The following ATP11C variants were observed in gnomAD, a reference collection of about 807,000 sequenced individuals.
ATP11C encodes the protein phospholipid-transporting ATPase IG.
ATP11C carries 36 observed loss-of-function variants against 97.4 expected under a neutral mutation model. That is an observed-to-expected ratio of 0.37 (90% CI 0.28 to 0.49). ATP11C has a LOEUF of 0.49. ATP11C is among the 20% of genes least tolerant of loss of function. The pLI is 0.98. For synonymous variants in ATP11C, 275 were observed against 290.9 expected (o/e 0.95, Z 0.56); for missense variants, 730 against 824.6 (o/e 0.89, Z 1.40).
At chrX:139,837,027 CAG>C (rs927194999) in intron 1 of ATP11C, among the ~76,000 whole-genome samples, 9 of 111,338 alleles carry the variant, frequency 8.1e-5, no homozygotes, top group African/African-American at 2.3e-4. Context: ...CACACACACA[CAG>C]GGACAGGGAG....
intron 10 of ATP11C, among the ~76,000 whole-genome samples, chrX:139,797,856 C>T: frequency 9.0e-6 from 1 of 111,689 alleles, no homozygotes; most frequent in Non-Finnish European, 1.9e-5. Context: ...CTACGAGGCA[C>T]TGCTTCAATA....
At chrX:139,829,853 A>T (rs1051260510) in intron 1 of ATP11C, among the ~76,000 whole-genome samples, 1 of 111,860 alleles carries the variant, frequency 8.9e-6, no homozygotes, top group Non-Finnish European at 1.9e-5. Flanking sequence ...ATGCTGTAAA[A>T]AAAAATAAAG....
chrX:139,818,025 G>T (rs763803615), intron 3 of ATP11C, among the ~76,000 whole-genome samples: 1 of 111,120 alleles, frequency 9.0e-6, no homozygotes, highest in East Asian at 2.8e-4. Flanking sequence ...TTCCATGTAC[G>T]CAAGGCTTCT....
intron 18 of ATP11C, among the ~76,000 whole-genome samples, chrX:139,776,021 G>A (rs183512495): frequency 0.011 from 1,254 of 112,458 alleles, 17 homozygotes; most frequent in African/African-American, 0.038. Flanking sequence ...CTGCCCCTAA[G>A]GGGGAGGTAA....
chrX:139,871,622 G>T (rs1161662119), intron 1 of ATP11C, among the ~76,000 whole-genome samples: 1 of 106,430 alleles, frequency 9.4e-6, no homozygotes, highest in Non-Finnish European at 1.9e-5. Context: ...ATGGGCTCAG[G>T]TGATTCTCCC....
At chrX:139,803,887 G>A (rs1041140230) in intron 6 of ATP11C, among the ~76,000 whole-genome samples, 10 of 106,654 alleles carry the variant, frequency 9.4e-5, no homozygotes, top group Non-Finnish European at 1.7e-4. Flanking sequence ...TTTTAGTAGA[G>A]ACAGGGTTTC....
intron 1 of ATP11C, among the ~76,000 whole-genome samples, chrX:139,846,113 G>GA (rs1465983066): frequency 8.9e-6 from 1 of 112,145 alleles, no homozygotes; most frequent in Non-Finnish European, 1.9e-5. Context: ...TTGACCTTGA[G>GA]AAACAGTGCC....
At chrX:139,864,884 C>T (rs1489160781) in intron 1 of ATP11C, among the ~76,000 whole-genome samples, 2 of 111,754 alleles carry the variant, frequency 1.8e-5, no homozygotes, top group Admixed American at 1.9e-4. Context: ...TTCTTGGCTA[C>T]AAAGACATAG....
intron 1 of ATP11C, among the ~76,000 whole-genome samples, chrX:139,857,663 C>G (rs751295213): frequency 6.1e-4 from 68 of 111,473 alleles, no homozygotes; most frequent in African/African-American, 2.0e-3. Context: ...GGGCCACGTG[C>G]GTCAGGGTAA....
rs149827515 is a variant in ATP11C at position 139,810,794 on chromosome X, C to T, written c.426+4084G>A. Among the ~76,000 whole-genome samples the T allele has an allele frequency of 3.3e-4, 37 of 110,678 alleles. No homozygotes were observed. In the East Asian group the frequency reaches 9.7e-3, roughly 29 times the overall value. ...CCATATGTTTTCACACTCTGCCTCT[C>T]TGAATTTTACAATCTATTTCATGCC... On this transcript the variant is annotated intron_variant, in intron 5 of 29. Coordinates refer to ENST00000682941, the MANE Select transcript of ATP11C (RefSeq NM_001353812.2).
intron 1 of ATP11C, among the ~76,000 whole-genome samples, chrX:139,883,698 G>A (rs1363886290): frequency 9.0e-6 from 1 of 111,172 alleles, no homozygotes; most frequent in Admixed American, 9.6e-5. Context: ...ACAAAGTAAG[G>A]TGAAAATTAA....
intron 1 of ATP11C, among the ~76,000 whole-genome samples, chrX:139,895,067 A>T (rs1468340895): frequency 2.7e-5 from 3 of 112,318 alleles, no homozygotes; most frequent in African/African-American, 9.7e-5. Context: ...AAAAAATTTT[A>T]AAAGTGAGTA....
chrX:139,737,628 A>C (rs943337365), intron 28 of ATP11C: 3 of 193,099 alleles, frequency 1.6e-5, no homozygotes, highest in African/African-American at 9.0e-5. Flanking sequence ...GCTAAATACA[A>C]AATAAAATAA....
upstream of ATP11C, among the ~76,000 whole-genome samples, chrX:139,935,558 C>T (rs1482342976): frequency 9.1e-6 from 1 of 110,403 alleles, no homozygotes; most frequent in East Asian, 2.9e-4. Flanking sequence ...GTGACAAGAG[C>T]AAAACTCCAT....
intron 1 of ATP11C, among the ~76,000 whole-genome samples, chrX:139,849,176 TATCTC>T (rs761408021): frequency 4.5e-5 from 5 of 111,349 alleles, no homozygotes; most frequent in African/African-American, 1.6e-4. Context: ...AAGAATAAAG[TATCTC>T]TTCTCCCATT....
intron 1 of ATP11C, among the ~76,000 whole-genome samples, chrX:139,861,769 T>TACAC (rs5904005): frequency 0.013 from 1,328 of 101,323 alleles, 15 homozygotes; most frequent in African/African-American, 0.035. Flanking sequence ...AATCCTGTTA[T>TACAC]ACACACACAC....
At chrX:139,905,311 A>G in intron 1 of ATP11C, among the ~76,000 whole-genome samples, 1 of 112,051 alleles carries the variant, frequency 8.9e-6, no homozygotes, top group Non-Finnish European at 1.9e-5. Flanking sequence ...TCCTTTTGAG[A>G]GCATTATATA....
chrX:139,735,391 T>C (rs2081421739), intron 28 of ATP11C, among the ~76,000 whole-genome samples: 1 of 111,777 alleles, frequency 8.9e-6, no homozygotes, highest in African/African-American at 3.2e-5. Flanking sequence ...ACGATACTTA[T>C]TGGTTGAAGT....
intron 5 of ATP11C, among the ~76,000 whole-genome samples, chrX:139,809,511 G>T (rs2083121734): frequency 8.9e-6 from 1 of 112,137 alleles, no homozygotes; most frequent in South Asian, 3.7e-4. Context: ...GAGGCCACAA[G>T]GGGCTGAGGA....
Sources: allele counts gnomAD v4.1 joint callset (sites outside exome capture counted in the v4.1 genomes callset), GRCh38; gene constraint gnomAD v4.1.1; transcripts MANE v1.5; gene names NCBI Gene and HGNC (gene_info 2026-07-23, HGNC 2026-07-21).